Variants in TFDP3 observed in about 807,000 individuals in gnomAD.
TFDP3 encodes the protein transcription factor Dp family member 3.
For synonymous variants in TFDP3, 167 were observed against 131.3 expected (o/e 1.27, Z -1.86); for missense variants, 353 against 321.6 (o/e 1.10, Z -0.75).
Position 133,218,334 on chromosome X carries a change from T to A in TFDP3, c.-75A>T. ...AGAAAAACAATTCTTCCAGGCCGAGTGTAGGGCTGCCGTGAGGTGCGTGGC... is the reference window on the plus strand; with the variant it reads ...AGAAAAACAATTCTTCCAGGCCGAGAGTAGGGCTGCCGTGAGGTGCGTGGC... On this transcript the variant is annotated 5_prime_UTR_variant, in exon 1 of 1. Coordinates refer to ENST00000310125, the MANE Select transcript of TFDP3 (RefSeq NM_016521.3). The A allele has an allele frequency of 2.0e-6, 2 of 977,952 alleles. No individual in the cohort carries two copies. The highest frequency in any genetic ancestry group is 5.1e-5 in the South Asian group (2 of 39,420). 80.6% of individuals were successfully genotyped at this position (977,952 alleles called of 1,213,427 possible). A position where few individuals can be genotyped will look rare whatever the true frequency, so the allele number is the denominator to read the frequency against.
Sources: gnomAD v4.1 joint callset for allele counts on GRCh38, gnomAD v4.1.1 for gene constraint, MANE v1.5 for transcripts, NCBI Gene and HGNC (gene_info 2026-07-23, HGNC 2026-07-21) for gene names.